Variants in POU2AF1 observed in about 807,000 individuals in gnomAD.
POU2AF1 encodes POU domain class 2-associating factor 1.
POU2AF1 carries 12 observed loss-of-function variants against 26.3 expected under a neutral mutation model. That is an observed-to-expected ratio of 0.46 (90% CI 0.29 to 0.74). The LOEUF (loss-of-function observed/expected upper bound fraction) is 0.74, where lower values mean the gene tolerates loss of function less well. Among genes scored for constraint, POU2AF1 ranks in the 30% least tolerant of loss-of-function variants. POU2AF1 has a pLI of 0.09. For synonymous variants in POU2AF1, 175 were observed against 148.0 expected (o/e 1.18, Z -1.32); for missense variants, 297 against 334.5 (o/e 0.89, Z 0.87).
At chr11:111,364,987 C>G (rs993314815) in intron 1 of POU2AF1, among the ~76,000 whole-genome samples, 5 of 152,198 alleles carry the variant, frequency 3.3e-5, no homozygotes, top group Admixed American at 2.6e-4. Context: ...TAAGCAATAT[C>G]TAATTTTGGC....
intron 4 of POU2AF1, 72 bp downstream of exon 4, chr11:111,357,373 G>A (rs2282637): frequency 0.062 from 97,562 of 1,584,056 alleles, 3,427 homozygotes; most frequent in African/African-American, 0.12. Flanking sequence ...GATCAGGATC[G>A]AGAAGTCAGC....
chr11:111,357,837 C>T lies in POU2AF1; in HGVS notation c.148G>A (p.Val50Met), dbSNP rs1391294215. 6.2e-7 allele frequency: 1 copy of T among 1,608,164 alleles called. No homozygotes were observed. The highest frequency in any genetic ancestry group is 1.1e-5 in the South Asian group (1 of 90,182). Residue 50 changes from valine (V) to methionine (M), a missense_variant and splice_region_variant, in exon 3 of 5, where the codon GTG (valine) becomes ATG (methionine). Coordinates refer to ENST00000393067, the MANE Select transcript of POU2AF1 (RefSeq NM_006235.3). ...SSGAAPAPTA[V>M]VLPHQPLATY... ...GCCAGGGGCTGATGGGGCAGCACCA[C>T]CTAGAGGGGAGAGGAGAAGACCAGG...
Position 111,358,815 on chromosome 11 carries a change from G to A in POU2AF1, c.120C>T (p.Ser40=). ...ELLRRKRGHA[S]SGAAPAPTAV... is the part of the protein sequence containing the mutation. ...CCGTAGGTGCAGGTGCTGCCCCACTGCTGGCGTGGCCTCGCTTCCTCCTCA... is the reference window on the plus strand; with the variant it reads ...CCGTAGGTGCAGGTGCTGCCCCACTACTGGCGTGGCCTCGCTTCCTCCTCA... Residue 40 remains serine, a synonymous_variant, in exon 2 of 5, where the codon AGC becomes AGT. Coordinates refer to ENST00000393067, the MANE Select transcript of POU2AF1 (RefSeq NM_006235.3). 6.2e-7 allele frequency: 1 copy of A among 1,604,734 alleles called. No homozygotes were observed. Among genetic ancestry groups the A allele is most frequent in the East Asian group, 2.2e-5 (1 of 44,702 alleles).
At position 111,354,441 on chromosome 11, in the gene POU2AF1, G is replaced by A. The variant is rs1360982204; in HGVS notation, c.591C>T (p.Ala197=). The A allele has an allele frequency of 6.2e-7, 1 of 1,614,096 alleles. No homozygotes were observed. Reference sequence around the variant, plus strand: ...CAAACTGGGGCCCAGGTAGGGCTGGGGCCGGAGGCTGGTACTGCAGGGTGG... The same window carrying A: ...CAAACTGGGGCCCAGGTAGGGCTGGAGCCGGAGGCTGGTACTGCAGGGTGG... ...PTSTLQYQPP[A]PALPGPQFVQ... The change falls in exon 5 of 5, where the codon GCC becomes GCT. Residue 197 remains alanine, a synonymous_variant. Transcript: ENST00000393067.
At position 111,352,991 on chromosome 11, in the gene POU2AF1, AAAGAAGGAAGGAAGGAAG is replaced by A. The variant is rs1860759999; in HGVS notation, c.*1252_*1269del. On this transcript the variant is annotated 3_prime_UTR_variant, in exon 5 of 5. Coordinates refer to ENST00000393067, the MANE Select transcript of POU2AF1 (RefSeq NM_006235.3). ...GAAGGAAGGAAGGAAGGAAGGAAGG[AAAGAAGGAAGGAAGGAAG>A]GAAGGAAGGAAGGAAGGAAGGAAGG... The A allele has an allele frequency of 2.8e-5, 2 of 71,784 alleles. No individual in the cohort carries two copies. Among genetic ancestry groups the A allele is most frequent in the East Asian group, 3.6e-4 (2 of 5,488 alleles). The allele number at this position is 71,784 out of a possible 1,614,324, so 4.4% of individuals were successfully genotyped here. A position where few individuals can be genotyped will look rare whatever the true frequency, so the allele number is the denominator to read the frequency against.
At chr11:111,358,398 ACACATACT>A (rs1301573343) in intron 2 of POU2AF1, among the ~76,000 whole-genome samples, 21 of 93,912 alleles carry the variant, frequency 2.2e-4, no homozygotes, top group African/African-American at 3.6e-4. Flanking sequence ...ACTCCCTCAC[ACACATACT>A]CTCTCACACA....
At chr11:111,378,629 G>A (rs1300622219) in intron 1 of POU2AF1, among the ~76,000 whole-genome samples, 1 of 151,650 alleles carries the variant, frequency 6.6e-6, no homozygotes, top group Non-Finnish European at 1.5e-5. Context: ...AGCAAGTGAG[G>A]ACACGCTTCA....
intron 1 of POU2AF1, among the ~76,000 whole-genome samples, chr11:111,360,536 C>A (rs1860986353): frequency 6.6e-6 from 1 of 152,160 alleles, no homozygotes; most frequent in Non-Finnish European, 1.5e-5. Flanking sequence ...TCAGGAATCC[C>A]AGTATCTCAG....
chr11:111,377,903 T>G (rs910772516), intron 1 of POU2AF1: 1 of 178,762 alleles, frequency 5.6e-6, no homozygotes, highest in Non-Finnish European at 1.2e-5. Context: ...CTAGTTATCT[T>G]GGAAGGAGTC....
intron 2 of POU2AF1, 51 bp downstream of exon 2, chr11:111,358,736 AC>A: frequency 6.5e-7 from 1 of 1,531,354 alleles, no homozygotes; most frequent in Admixed American, 2.0e-5. Flanking sequence ...CCTGACACAC[AC>A]ATTCTCTTTC....
At chr11:111,373,421 T>A (rs932483123) in intron 1 of POU2AF1, among the ~76,000 whole-genome samples, 3 of 152,244 alleles carry the variant, frequency 2.0e-5, no homozygotes, top group Admixed American at 6.5e-5. Context: ...GATCCAGGCA[T>A]CTGTGTTTCT....
intron 1 of POU2AF1, chr11:111,364,006 T>C: frequency 1.0e-6 from 1 of 985,238 alleles, no homozygotes; most frequent in Non-Finnish European, 1.2e-6. Context: ...GTCAAGCCAA[T>C]GGAGTTTGAG....
At chr11:111,355,818 G>A (rs1386461519) in intron 4 of POU2AF1, among the ~76,000 whole-genome samples, 1 of 152,180 alleles carries the variant, frequency 6.6e-6, no homozygotes, top group Non-Finnish European at 1.5e-5. Context: ...CCCCACCACA[G>A]CATAATCACT....
intron 2 of POU2AF1, among the ~76,000 whole-genome samples, chr11:111,358,335 C>CG (rs1459365948): frequency 5.3e-5 from 3 of 56,524 alleles, no homozygotes; most frequent in African/African-American, 1.4e-4. Context: ...CTCTCACACA[C>CG]TCTCACACTC....
At chr11:111,372,303 C>T (rs1003790216) in intron 1 of POU2AF1, among the ~76,000 whole-genome samples, 13 of 152,060 alleles carry the variant, frequency 8.5e-5, no homozygotes, top group Non-Finnish European at 1.5e-4. Flanking sequence ...CAAACTGTCC[C>T]GCAGAAGAGG....
chr11:111,364,027 A>T, intron 1 of POU2AF1: 1 of 980,962 alleles, frequency 1.0e-6, no homozygotes, highest in Non-Finnish European at 1.2e-6. Context: ...GGGGAAAAAA[A>T]ATCATTTACA....
At chr11:111,364,019 G>GC in intron 1 of POU2AF1, 1 of 983,530 alleles carries the variant, frequency 1.0e-6, no homozygotes, top group Non-Finnish European at 1.2e-6. Flanking sequence ...AGTTTGAGGG[G>GC]GAAAAAAAAT....
In POU2AF1 at chr11:111,357,842, A is replaced by G. The variant is rs566501317; in HGVS notation, c.148-5T>C. ...GGGCTGATGGGGCAGCACCACCTAG[A>G]GGGGAGAGGAGAAGACCAGGGTCAA... is the stretch of plus-strand genomic sequence containing the variant. On this transcript the variant is annotated splice_polypyrimidine_tract_variant and splice_region_variant and intron_variant, in intron 2 of 4. Transcript: ENST00000393067. 14 of 1,605,626 alleles carry G rather than the reference A, an allele frequency of 8.7e-6. No homozygotes were observed. The African/African-American group carries it at 1.7e-4, about 20-fold the overall frequency.
Position 111,357,632 on chromosome 11 carries a change from T to C in POU2AF1, c.269A>G (p.Gln90Arg). Residue 90 changes from glutamine (Q) to arginine (R), a missense_variant, in exon 4 of 5, where the codon CAG (glutamine) becomes CGG (arginine). Transcript: ENST00000393067. ...GGGCTGCAGGGTGGCCGGGGTGGGCTGGGAGAGCCAGCCGGCACACAGGGC... is the reference window on the plus strand; with the variant it reads ...GGGCTGCAGGGTGGCCGGGGTGGGCCGGGAGAGCCAGCCGGCACACAGGGC... ...EAALCAGWLS[Q>R]PTPATLQPLA... 2 of 1,613,716 alleles carry C rather than the reference T, an allele frequency of 1.2e-6. No individual in the cohort carries two copies. The highest frequency in any genetic ancestry group is 1.7e-6 in the Non-Finnish European group (2 of 1,179,910).
Sources: allele counts gnomAD v4.1 joint callset (sites outside exome capture counted in the v4.1 genomes callset), GRCh38; gene constraint gnomAD v4.1.1; transcripts MANE v1.5; gene names NCBI Gene and HGNC (gene_info 2026-07-23, HGNC 2026-07-21).